The following GALNTL6 variants were observed in gnomAD, a reference collection of about 807,000 sequenced individuals.
GALNTL6 encodes polypeptide N-acetylgalactosaminyltransferase like 6, also known as polypeptide N-acetylgalactosaminyltransferase-like 6.
In GALNTL6, 46 loss-of-function variants were observed where a neutral mutation model predicts 73.7. That is an observed-to-expected ratio of 0.62 (90% CI 0.49 to 0.80). The LOEUF (loss-of-function observed/expected upper bound fraction) is 0.80. Ranked by LOEUF, GALNTL6 falls within the 30% of genes least tolerant of loss-of-function variation. GALNTL6 has a pLI of 0.00. For synonymous variants in GALNTL6, 259 were observed against 263.7 expected, an observed-to-expected ratio of 0.98 and a Z score of 0.17; for missense variants, 604 against 755.0, an observed-to-expected ratio of 0.80 and a Z score of 2.34.
chr4:172,662,556 A>G (rs1731432216), intron 5 of GALNTL6, among the ~76,000 whole-genome samples: 2 of 152,210 alleles, frequency 1.3e-5, no homozygotes, highest in South Asian at 2.1e-4. Context: ...TACAATTAAC[A>G]TGGGCCTTGA....
rs199647719 is a variant in GALNTL6, at chr4:172,348,726, T to C, written c.553+37T>C. ...TTGATAACATTTTATCTGATTCTGCTACCATTCACATAATCATTAAGGACT... is the reference window on the plus strand; with the variant it reads ...TTGATAACATTTTATCTGATTCTGCCACCATTCACATAATCATTAAGGACT... On this transcript the variant is annotated intron_variant, in intron 5 of 12. Transcript: ENST00000506823. 36 of 1,396,600 alleles carry C rather than the reference T, an allele frequency of 2.6e-5. No individual in the cohort carries two copies. In the Middle Eastern group the frequency reaches 9.1e-4, roughly 35 times the overall value. 86.5% of individuals were successfully genotyped at this position (1,396,600 alleles called of 1,614,324 possible).
chr4:172,306,022 T>C (rs1740124140), intron 3 of GALNTL6, among the ~76,000 whole-genome samples: 1 of 152,290 alleles, frequency 6.6e-6, no homozygotes, highest in African/African-American at 2.4e-5. Context: ...ACTAAAAATA[T>C]GCGTACAAAC....
At chr4:172,640,312 C>T (rs866925246) in intron 5 of GALNTL6, among the ~76,000 whole-genome samples, 11 of 152,074 alleles carry the variant, frequency 7.2e-5, no homozygotes, top group Non-Finnish European at 1.5e-4. Flanking sequence ...TCTGTTTGAC[C>T]GGATGTTCTG....
At chr4:171,917,398 G>A (rs924756230) in intron 2 of GALNTL6, among the ~76,000 whole-genome samples, 3 of 152,056 alleles carry the variant, frequency 2.0e-5, no homozygotes, top group African/African-American at 7.2e-5. Context: ...GGCTCCATAA[G>A]AAGCCTTTGA....
intron 5 of GALNTL6, among the ~76,000 whole-genome samples, chr4:172,557,213 G>A (rs13120408): frequency 0.19 from 29,132 of 152,108 alleles, 3,616 homozygotes; most frequent in Non-Finnish European, 0.29. Context: ...CATCAGGCAA[G>A]TCATTTAACC....
chr4:171,845,191 T>C (rs1735338388), intron 2 of GALNTL6, among the ~76,000 whole-genome samples: 1 of 152,162 alleles, frequency 6.6e-6, no homozygotes, highest in Non-Finnish European at 1.5e-5. Context: ...CTGTTTTGAT[T>C]TTTCCATTCA....
chr4:173,014,706 CCAGA>C (rs1232417264), intron 11 of GALNTL6, among the ~76,000 whole-genome samples: 1 of 152,156 alleles, frequency 6.6e-6, no homozygotes, highest in Non-Finnish European at 1.5e-5. Context: ...ACATCACAAT[CCAGA>C]CAGAGAAAAA....
At chr4:172,735,127 A>G (rs1156566310) in intron 5 of GALNTL6, among the ~76,000 whole-genome samples, 1 of 152,068 alleles carries the variant, frequency 6.6e-6, no homozygotes, top group African/African-American at 2.4e-5. Flanking sequence ...TCCAGACCCC[A>G]GAATAGTAGA....
intron 6 of GALNTL6, among the ~76,000 whole-genome samples, chr4:172,810,115 A>G (rs1741205721): frequency 6.6e-6 from 1 of 152,212 alleles, no homozygotes; most frequent in African/African-American, 2.4e-5. Flanking sequence ...CTAAATATAC[A>G]GTTCTTTGTA....
At chr4:172,206,805 G>GTTTGTTGTTTTTTTTTT (rs1554003003) in intron 2 of GALNTL6, among the ~76,000 whole-genome samples, 5 of 26,130 alleles carry the variant, frequency 1.9e-4, no homozygotes, top group African/African-American at 4.8e-4. Flanking sequence ...TTGTTTTTCT[G>GTTTGTTGTTTTTTTTTT]TTTTTTTTGT....
In GALNTL6 at chr4:172,040,667, C is replaced by T. The variant is rs557364326; in HGVS notation, c.139-188989C>T. On this transcript the variant is annotated intron_variant, in intron 2 of 12. Coordinates refer to ENST00000506823, the MANE Select transcript of GALNTL6 (RefSeq NM_001034845.3). ...TTACGATGACGCTTCAACATGAAAACAGTATCTTCAATTTACAGCTGATAA... is the reference window on the plus strand; with the variant it reads ...TTACGATGACGCTTCAACATGAAAATAGTATCTTCAATTTACAGCTGATAA... Among the ~76,000 whole-genome samples the T allele has an allele frequency of 3.3e-5, 5 of 152,162 alleles. No individual in the cohort carries two copies. The East Asian group carries it at 9.7e-4, about 29-fold the overall frequency.
intron 8 of GALNTL6, among the ~76,000 whole-genome samples, chr4:172,913,955 T>C (rs1441782633): frequency 6.6e-6 from 1 of 151,932 alleles, no homozygotes; most frequent in African/African-American, 2.4e-5. Flanking sequence ...GTCATCAAGA[T>C]TGAAATGAAG....
intron 2 of GALNTL6, among the ~76,000 whole-genome samples, chr4:171,922,815 A>G (rs924579402): frequency 3.9e-5 from 6 of 152,060 alleles, no homozygotes; most frequent in Non-Finnish European, 7.4e-5. Context: ...ATTATACCTT[A>G]CTATTTAATA....
chr4:172,795,577 A>G (rs1241744375), intron 5 of GALNTL6, among the ~76,000 whole-genome samples: 1 of 152,188 alleles, frequency 6.6e-6, no homozygotes, highest in East Asian at 1.9e-4. Context: ...GTAGGTATAT[A>G]TATTTACAGG....
chr4:172,574,642 T>C (rs577254171), intron 5 of GALNTL6, among the ~76,000 whole-genome samples: 2 of 151,686 alleles, frequency 1.3e-5, no homozygotes, highest in African/African-American at 4.8e-5. Context: ...CAGCAACAAC[T>C]AATAACAATA....
intron 7 of GALNTL6, among the ~76,000 whole-genome samples, chr4:172,847,633 G>A (rs1024252076): frequency 2.6e-5 from 4 of 152,194 alleles, no homozygotes; most frequent in East Asian, 1.9e-4. Flanking sequence ...CTGTGTTCCC[G>A]TATGGGCCAG....
At chr4:172,588,060 A>T (rs1737488477) in intron 5 of GALNTL6, among the ~76,000 whole-genome samples, 1 of 152,174 alleles carries the variant, frequency 6.6e-6, no homozygotes, top group South Asian at 2.1e-4. Context: ...GATATGGTTG[A>T]TATTAGTAGA....
At chr4:172,141,149 G>A (rs1013959141) in intron 2 of GALNTL6, among the ~76,000 whole-genome samples, 3 of 151,980 alleles carry the variant, frequency 2.0e-5, no homozygotes, top group African/African-American at 7.2e-5. Context: ...CTGAGACAAG[G>A]TATGGATGGA....
intron 2 of GALNTL6, among the ~76,000 whole-genome samples, chr4:172,096,084 C>CGGTG (rs1553992000): frequency 3.9e-4 from 57 of 147,186 alleles, no homozygotes; most frequent in African/African-American, 1.1e-3. Flanking sequence ...CTCTCTCTTT[C>CGGTG]TGTGTGTGTG....
Sources: gnomAD v4.1 joint callset for allele counts (sites outside exome capture counted in the v4.1 genomes callset) on GRCh38, gnomAD v4.1.1 for gene constraint, MANE v1.5 for transcripts, NCBI Gene and HGNC (gene_info 2026-07-23, HGNC 2026-07-21) for gene names.